CHP1: variants seen among roughly 807,000 people sequenced by gnomAD.
The protein encoded by CHP1 is calcineurin like EF-hand protein 1, also known as calcineurin B homologous protein 1.
Under a neutral mutation model 27.4 loss-of-function variants are expected in CHP1, and 11 were observed. The ratio of observed to expected loss-of-function variants is 0.40; its 90% CI spans 0.25 to 0.67. The LOEUF is 0.67. CHP1 is among the 30% of genes least tolerant of loss of function. The pLI, the probability that CHP1 is intolerant of heterozygous loss-of-function variation, is 0.38. For missense variants in CHP1, 169 were observed against 251.3 expected (o/e 0.67, Z 2.22); for synonymous variants, 89 against 87.4 (o/e 1.02, Z -0.10).
chr15:41,278,247 G>A (rs570162220), intron 5 of CHP1, among the ~76,000 whole-genome samples: 202 of 150,874 alleles, frequency 1.3e-3, no homozygotes, highest in African/African-American at 4.7e-3. Context: ...GCAGGAGAAC[G>A]GCGTGAACCC....
rs2047539478 is a variant in CHP1, at chr15:41,280,408, G to A, written c.*1019G>A. On this transcript the variant is annotated 3_prime_UTR_variant, in exon 7 of 7. Transcript: ENST00000334660. Reference sequence around the variant, plus strand: ...CATGCATTCACACCTTTGCAGCATGGTTTATGCCTCAGTGTTATGTGCACT... The same window carrying A: ...CATGCATTCACACCTTTGCAGCATGATTTATGCCTCAGTGTTATGTGCACT... The A allele has an allele frequency of 6.6e-6, 1 of 151,912 alleles. No homozygotes were observed. The highest frequency in any genetic ancestry group is 2.4e-5 in the African/African-American group (1 of 41,248). 9.4% of individuals were successfully genotyped at this position (151,912 alleles called of 1,614,324 possible).
rs376432541 is a variant in CHP1, at chr15:41,248,177, C to A, written c.140+4438C>A. 9.3e-5 allele frequency among the ~76,000 whole-genome samples: 14 copies of A among 150,332 alleles called. No homozygotes were observed. In the South Asian group the frequency reaches 2.9e-3, roughly 32 times the overall value. ...TTTTTTTTTTTGTAAGAGACAGGGTCGCACTCTGTCTCCTAGGCTGGAGTG... is the reference window on the plus strand; with the variant it reads ...TTTTTTTTTTTGTAAGAGACAGGGTAGCACTCTGTCTCCTAGGCTGGAGTG... On this transcript the variant is annotated intron_variant, in intron 2 of 6. Coordinates refer to ENST00000334660, the MANE Select transcript of CHP1 (RefSeq NM_007236.5).
chr15:41,251,804 C>CTT (rs568323569), intron 2 of CHP1, among the ~76,000 whole-genome samples: 14 of 134,082 alleles, frequency 1.0e-4, no homozygotes, highest in Admixed American at 1.5e-4. Flanking sequence ...TGCCAGCTGC[C>CTT]TTTTTTTTTT....
intron 4 of CHP1, chr15:41,264,214 A>T (rs567597527): frequency 1.6e-6 from 2 of 1,287,612 alleles, no homozygotes; most frequent in Admixed American, 2.3e-5. Flanking sequence ...AAATTGAGCA[A>T]CACTCCTCCC....
intron 5 of CHP1, among the ~76,000 whole-genome samples, chr15:41,275,827 T>C (rs1477253999): frequency 1.3e-5 from 2 of 152,030 alleles, no homozygotes; most frequent in African/African-American, 2.4e-5. Context: ...GCGATTCTCA[T>C]GCCTCAGCCT....
chr15:41,264,295 G>T (rs546610524), intron 4 of CHP1: 1 of 949,424 alleles, frequency 1.1e-6, no homozygotes, highest in South Asian at 1.6e-5. Context: ...GAGTGCCGAG[G>T]AGATTAGGCT....
At chr15:41,260,983 C>G (rs974265113) in intron 3 of CHP1, among the ~76,000 whole-genome samples, 12 of 150,584 alleles carry the variant, frequency 8.0e-5, no homozygotes, top group African/African-American at 2.9e-4. Flanking sequence ...CCTGTGTGTT[C>G]AAGTGATTCT....
chr15:41,262,605 T>C (rs1305013111), intron 3 of CHP1, 151 bp from the exon 4 acceptor site: 8 of 945,112 alleles, frequency 8.5e-6, no homozygotes, highest in Non-Finnish European at 9.7e-6. Flanking sequence ...GATATGGTAC[T>C]GTGAGTCCCA....
intron 2 of CHP1, among the ~76,000 whole-genome samples, chr15:41,253,750 G>A (rs1319402737): frequency 1.3e-5 from 2 of 151,618 alleles, no homozygotes; most frequent in Non-Finnish European, 2.9e-5. Flanking sequence ...CACTGCGCCC[G>A]GCTGACAAAT....
At chr15:41,233,222 C>T (rs936992085) in intron 1 of CHP1, among the ~76,000 whole-genome samples, 1 of 151,912 alleles carries the variant, frequency 6.6e-6, no homozygotes, top group African/African-American at 2.4e-5. Context: ...AGGGTGACAC[C>T]GAATTAAAGT....
intron 3 of CHP1, among the ~76,000 whole-genome samples, chr15:41,257,234 A>T (rs1455367043): frequency 6.6e-6 from 1 of 152,234 alleles, no homozygotes; most frequent in Non-Finnish European, 1.5e-5. Context: ...ATGTAAAACT[A>T]GACTTTTAAA....
chr15:41,266,777 G>A (rs1481103585), intron 4 of CHP1, among the ~76,000 whole-genome samples: 1 of 152,148 alleles, frequency 6.6e-6, no homozygotes, highest in Admixed American at 6.6e-5. Context: ...CAAGGTGGGT[G>A]AATCATGAGA....
At chr15:41,233,794 A>G (rs961409324) in intron 1 of CHP1, among the ~76,000 whole-genome samples, 1 of 152,134 alleles carries the variant, frequency 6.6e-6, no homozygotes, top group Non-Finnish European at 1.5e-5. Context: ...GGGCCTTGAT[A>G]CATGGGTGGA....
intron 1 of CHP1, among the ~76,000 whole-genome samples, chr15:41,241,549 C>T (rs1231439299): frequency 6.6e-6 from 1 of 152,234 alleles, no homozygotes; most frequent in Non-Finnish European, 1.5e-5. Context: ...TACAGTGAGC[C>T]ATTTATACCT....
intron 3 of CHP1, among the ~76,000 whole-genome samples, chr15:41,258,481 A>G (rs1483063150): frequency 2.6e-5 from 4 of 152,200 alleles, no homozygotes; most frequent in East Asian, 1.9e-4. Flanking sequence ...AGTCTGGGTC[A>G]GTTGTCATGT....
intron 3 of CHP1, among the ~76,000 whole-genome samples, chr15:41,262,003 A>G (rs1007805407): frequency 6.7e-6 from 1 of 149,360 alleles, no homozygotes; most frequent in Non-Finnish European, 1.5e-5. Context: ...AAAAAAAAAA[A>G]AAAAAAATAC....
In CHP1 at chr15:41,254,248, C is replaced by T. The variant is rs556570891; in HGVS notation, c.141-2662C>T. 5.9e-5 allele frequency among the ~76,000 whole-genome samples: 9 copies of T among 152,296 alleles called. No homozygotes were observed. In the South Asian group the frequency reaches 1.9e-3, roughly 32 times the overall value. On this transcript the variant is annotated intron_variant, in intron 2 of 6. Coordinates refer to ENST00000334660, the MANE Select transcript of CHP1 (RefSeq NM_007236.5). The stretch of plus-strand genomic sequence containing the variant: ...CCAAGTGTACACCTCCTTATTGAGA[C>T]TGAAGTTCAGGCTAGGTTGTGCATC...
At chr15:41,251,594 C>T (rs1009743980) in intron 2 of CHP1, among the ~76,000 whole-genome samples, 3 of 152,038 alleles carry the variant, frequency 2.0e-5, no homozygotes, top group Non-Finnish European at 2.9e-5. Flanking sequence ...AGATCAGTGG[C>T]GGCACTAGAT....
intron 1 of CHP1, among the ~76,000 whole-genome samples, chr15:41,237,256 C>T (rs750886296): frequency 2.0e-5 from 3 of 151,876 alleles, no homozygotes; most frequent in Non-Finnish European, 4.4e-5. Flanking sequence ...AAATGATTCT[C>T]CTGCCTCAGC....
Sources: allele counts gnomAD v4.1 joint callset (sites outside exome capture counted in the v4.1 genomes callset), GRCh38; gene constraint gnomAD v4.1.1; transcripts MANE v1.5; gene names NCBI Gene and HGNC (gene_info 2026-07-23, HGNC 2026-07-21).